Variants in EFHC1 observed in about 807,000 individuals in gnomAD.
The protein encoded by EFHC1 is EF-hand domain-containing protein 1.
EFHC1 carries 53 observed loss-of-function variants against 69.9 expected under a neutral mutation model. The ratio of observed to expected loss-of-function variants is 0.76; its 90% CI spans 0.61 to 0.95. EFHC1 has a LOEUF of 0.95. Among genes scored for constraint, EFHC1 ranks in the 40% least tolerant of loss-of-function variants. The pLI is 0.00. For synonymous variants in EFHC1, 256 were observed against 278.4 expected (o/e 0.92, Z 0.80); for missense variants, 739 against 798.7 (o/e 0.93, Z 0.90).
At chr6:52,452,993 A>G (rs755770035) in intron 4 of EFHC1, 156 bp downstream of exon 4, 2 of 1,557,626 alleles carry the variant, frequency 1.3e-6, no homozygotes, top group South Asian at 1.2e-5. Context: ...GCTTTCATCA[A>G]GGGTTACAGG....
intron 2 of EFHC1, among the ~76,000 whole-genome samples, chr6:52,434,050 G>A (rs1764473326): frequency 6.6e-6 from 1 of 151,738 alleles, no homozygotes; most frequent in Non-Finnish European, 1.5e-5. Flanking sequence ...ACAGCACCAA[G>A]TCTGTTTCCA....
chr6:52,482,049 A>C (rs1416209752), intron 9 of EFHC1: 1 of 152,146 alleles, frequency 6.6e-6, no homozygotes, highest in East Asian at 1.9e-4. Flanking sequence ...GCCCTTTAAA[A>C]ATTTTTGTCA....
At position 52,496,095 on chromosome 6, in the gene EFHC1, G is replaced by C. The variant is rs1474384998; in HGVS notation, c.*3754G>C. On this transcript the variant is annotated 3_prime_UTR_variant, in exon 11 of 11. Coordinates refer to ENST00000371068, the MANE Select transcript of EFHC1 (RefSeq NM_018100.4). Reference sequence around the variant, plus strand: ...TGCATCTGGAGTGTCAGGTTCAGGTGGTGGAAGGGAGCTGAGCATTACCCT... The same window carrying C: ...TGCATCTGGAGTGTCAGGTTCAGGTCGTGGAAGGGAGCTGAGCATTACCCT... 3 of 174,578 alleles carry C rather than the reference G, an allele frequency of 1.7e-5. No homozygotes were observed. Among genetic ancestry groups the C allele is most frequent in the Non-Finnish European group, 3.7e-5 (3 of 80,154 alleles). The allele number at this position is 174,578 out of a possible 1,614,324, so 10.8% of individuals were successfully genotyped here.
At chr6:52,422,666 T>TATCTATATTACTTATC in intron 1 of EFHC1, among the ~76,000 whole-genome samples, 1 of 152,282 alleles carries the variant, frequency 6.6e-6, no homozygotes, top group South Asian at 2.1e-4. Context: ...AGATAAGTAA[T>TATCTATATTACTTATC]TGTGAAAGTA....
intron 5 of EFHC1, among the ~76,000 whole-genome samples, chr6:52,458,953 G>T (rs1427782821): frequency 6.6e-6 from 1 of 152,186 alleles, no homozygotes; most frequent in African/African-American, 2.4e-5. Context: ...CATATTCTTT[G>T]CAGCAACGTG....
chr6:52,490,650 C>A, intron 10 of EFHC1: 1 of 569,284 alleles, frequency 1.8e-6, no homozygotes, highest in Non-Finnish European at 3.1e-6. Context: ...GGGTGGCTAC[C>A]AAGGGGAGAC....
rs1283196977 is a variant in EFHC1 at position 52,495,416 on chromosome 6, G to A, written c.*3075G>A. On this transcript the variant is annotated 3_prime_UTR_variant, in exon 11 of 11. Coordinates refer to ENST00000371068, the MANE Select transcript of EFHC1 (RefSeq NM_018100.4). ...TTTCTCCATCACTCTTGCCTCCTGT[G>A]GTAGAGGAGCTTTGGGCTACTCCTT... is the stretch of plus-strand genomic sequence containing the variant. 2.2e-6 allele frequency: 1 copy of A among 453,976 alleles called. No homozygotes were observed. The highest frequency in any genetic ancestry group is 4.4e-6 in the Non-Finnish European group (1 of 226,804). 28.1% of individuals were successfully genotyped at this position (453,976 alleles called of 1,614,324 possible). A position where few individuals can be genotyped will look rare whatever the true frequency, so the allele number is the denominator to read the frequency against.
chr6:52,479,301 T>C, intron 8 of EFHC1, 51 bp downstream of exon 8: 2 of 1,583,262 alleles, frequency 1.3e-6, no homozygotes, highest in Non-Finnish European at 1.7e-6. Context: ...GAATGAGTTC[T>C]TAATTGGAAT....
Position 52,496,208 on chromosome 6 carries a change from C to A in EFHC1, c.*3867C>A, listed in dbSNP as rs371877764. The stretch of plus-strand genomic sequence containing the variant: ...GAAAGATTCTAATACACACACACAC[C>A]CACACACACACACACACAAAGAGAG... On this transcript the variant is annotated 3_prime_UTR_variant, in exon 11 of 11. Transcript: ENST00000371068. 7.8e-3 allele frequency: 836 copies of A among 107,548 alleles called. 7 individuals carry two copies. Among genetic ancestry groups the A allele is most frequent in the African/African-American group, 0.024 (783 of 32,542 alleles). The allele number at this position is 107,548 out of a possible 1,614,324, so 6.7% of individuals were successfully genotyped here.
At chr6:52,441,305 T>G (rs1179878212) in intron 3 of EFHC1, among the ~76,000 whole-genome samples, 1 of 152,160 alleles carries the variant, frequency 6.6e-6, no homozygotes, top group Non-Finnish European at 1.5e-5. Context: ...TTGAGTTGAT[T>G]TTTATATCTG....
Position 52,493,319 on chromosome 6 carries a change from T to A in EFHC1, c.*978T>A. The A allele has an allele frequency of 2.3e-6, 1 of 437,114 alleles. No homozygotes were observed. Among genetic ancestry groups the A allele is most frequent in the South Asian group, 1.7e-5 (1 of 60,560 alleles). 27.1% of individuals were successfully genotyped at this position (437,114 alleles called of 1,614,324 possible). On this transcript the variant is annotated 3_prime_UTR_variant, in exon 11 of 11. Coordinates refer to ENST00000371068, the MANE Select transcript of EFHC1 (RefSeq NM_018100.4). ...AGATCTTGGGACTTGTAAGCCTTCA[T>A]AATTGTGTGAGCAATTTCTTATAAC...
chr6:52,422,398 C>A (rs3804510), intron 1 of EFHC1, among the ~76,000 whole-genome samples: 34,778 of 151,910 alleles, frequency 0.23, 4,066 homozygotes, highest in Middle Eastern at 0.29. Context: ...ATACCTGGAG[C>A]AGTCCCTGTC....
At chr6:52,469,566 T>A in intron 7 of EFHC1, 93 bp downstream of exon 7, 3 of 1,551,608 alleles carry the variant, frequency 1.9e-6, no homozygotes, top group East Asian at 2.2e-5. Flanking sequence ...TTAACAGCTG[T>A]CAGAGTTATG....
At chr6:52,474,031 A>G (rs1012141717) in intron 7 of EFHC1, among the ~76,000 whole-genome samples, 1 of 152,112 alleles carries the variant, frequency 6.6e-6, no homozygotes, top group Non-Finnish European at 1.5e-5. Context: ...GCAACTAAAC[A>G]TATTAGAAGG....
intron 9 of EFHC1, chr6:52,483,159 A>G (rs986219219): frequency 6.9e-6 from 2 of 291,884 alleles, no homozygotes; most frequent in African/African-American, 4.3e-5. Context: ...AAGTCCTGAC[A>G]GATAAGTTTG....
intron 9 of EFHC1, chr6:52,485,229 G>GT (rs981033046): frequency 1.3e-5 from 2 of 152,118 alleles, no homozygotes; most frequent in African/African-American, 4.8e-5. Flanking sequence ...CTTCCCGAAA[G>GT]TTTTTTTCTG....
chr6:52,437,107 G>T (rs1764551477), intron 2 of EFHC1, among the ~76,000 whole-genome samples: 1 of 152,168 alleles, frequency 6.6e-6, no homozygotes, highest in South Asian at 2.1e-4. Flanking sequence ...GCGGATTGAT[G>T]ATGAGGGTAT....
chr6:52,433,198 G>T (rs1446832404), intron 2 of EFHC1, among the ~76,000 whole-genome samples: 1 of 151,906 alleles, frequency 6.6e-6, no homozygotes, highest in African/African-American at 2.4e-5. Context: ...TTTCTTCTTG[G>T]TTTCAATCTA....
At chr6:52,465,544 A>G (rs934290844) in intron 6 of EFHC1, among the ~76,000 whole-genome samples, 21 of 152,178 alleles carry the variant, frequency 1.4e-4, no homozygotes, top group African/African-American at 5.1e-4. Context: ...ACAGTGGCTC[A>G]TATCTGTAAT....
Sources: allele counts gnomAD v4.1 joint callset (sites outside exome capture counted in the v4.1 genomes callset), GRCh38; gene constraint gnomAD v4.1.1; transcripts MANE v1.5; gene names NCBI Gene and HGNC (gene_info 2026-07-23, HGNC 2026-07-21).